PCDHA5: variants seen among roughly 807,000 people sequenced by gnomAD.
PCDHA5 encodes protocadherin alpha-5.
In PCDHA5, 43 loss-of-function variants were observed where a neutral mutation model predicts 61.6. That is an observed-to-expected ratio of 0.70 (90% CI 0.55 to 0.90). The LOEUF (loss-of-function observed/expected upper bound fraction) is 0.90, where lower values mean the gene tolerates loss of function less well. PCDHA5 is among the 40% of genes least tolerant of loss of function. The pLI, the probability that PCDHA5 is intolerant of heterozygous loss-of-function variation, is 0.00. For synonymous variants in PCDHA5, 627 were observed against 543.9 expected (o/e 1.15, Z -2.13); for missense variants, 1,298 against 1,222.7 (o/e 1.06, Z -0.92).
At chr5:140,841,271 G>A (rs1554138054) in intron 1 of PCDHA5, 2 of 1,532,504 alleles carry the variant, frequency 1.3e-6, no homozygotes, top group Admixed American at 2.1e-5. Context: ...AAGTACAGTC[G>A]TTCATCTTTA....
chr5:140,985,273 T>C (rs1554246915), intron 3 of PCDHA5, among the ~76,000 whole-genome samples: 1 of 152,178 alleles, frequency 6.6e-6, no homozygotes, highest in African/African-American at 2.4e-5. Context: ...GGACTACTTT[T>C]CTGCAATCTA....
chr5:140,824,752 G>A (rs1768348578), intron 1 of PCDHA5: 1 of 150,996 alleles, frequency 6.6e-6, no homozygotes, highest in African/African-American at 2.4e-5. Context: ...GAGCAAGAGT[G>A]CCTGGCCTAT....
At chr5:140,939,593 T>C (rs1554212802) in intron 1 of PCDHA5, among the ~76,000 whole-genome samples, 1 of 152,198 alleles carries the variant, frequency 6.6e-6, no homozygotes, top group African/African-American at 2.4e-5. Flanking sequence ...TAACATACCT[T>C]GCTCAAAAAC....
intron 1 of PCDHA5, among the ~76,000 whole-genome samples, chr5:140,943,736 A>G (rs913454195): frequency 3.3e-5 from 5 of 152,266 alleles, no homozygotes; most frequent in Non-Finnish European, 7.3e-5. Context: ...ATGAAAGTCC[A>G]CAGTCTAAAA....
intron 1 of PCDHA5, chr5:140,968,154 A>G (rs782200456): frequency 3.7e-6 from 6 of 1,614,162 alleles, no homozygotes; most frequent in South Asian, 1.1e-5. Flanking sequence ...TCTGACATCA[A>G]TGACAATCCA....
At chr5:140,888,277 C>G (rs923275306) in intron 1 of PCDHA5, among the ~76,000 whole-genome samples, 1 of 151,972 alleles carries the variant, frequency 6.6e-6, no homozygotes, top group Non-Finnish European at 1.5e-5. Context: ...ACAGTTTTGT[C>G]CCCTCTACCC....
chr5:141,005,701 CA>C (rs59860837), intron 3 of PCDHA5, among the ~76,000 whole-genome samples: 201 of 7,776 alleles, frequency 0.026, no homozygotes, highest in African/African-American at 0.052. Flanking sequence ...AACTCCGTCT[CA>C]AAAAAAAAAA....
intron 1 of PCDHA5, among the ~76,000 whole-genome samples, chr5:140,839,735 C>G (rs2093051778): frequency 6.6e-6 from 1 of 151,912 alleles, no homozygotes; most frequent in Admixed American, 6.6e-5. Context: ...ACAGAAAATA[C>G]CCTTATTTGC....
At chr5:140,919,823 T>C (rs1554199267) in intron 1 of PCDHA5, among the ~76,000 whole-genome samples, 1 of 152,222 alleles carries the variant, frequency 6.6e-6, no homozygotes, top group Non-Finnish European at 1.5e-5. Flanking sequence ...AAAATATATG[T>C]CCACATAGTA....
At chr5:140,966,709 G>A (rs1447935100) in intron 1 of PCDHA5, 4 of 1,387,174 alleles carry the variant, frequency 2.9e-6, no homozygotes, top group Non-Finnish European at 2.8e-6. Flanking sequence ...CGTGGGGCAC[G>A]GCTGGGGAAG....
intron 1 of PCDHA5, chr5:140,966,778 G>A: frequency 6.6e-7 from 1 of 1,512,496 alleles, no homozygotes; most frequent in Non-Finnish European, 8.8e-7. Flanking sequence ...TGGAGCAGGC[G>A]GGCACCAGAC....
At chr5:140,894,236 T>C (rs1205163436) in intron 1 of PCDHA5, among the ~76,000 whole-genome samples, 7 of 152,250 alleles carry the variant, frequency 4.6e-5, no homozygotes, top group South Asian at 2.1e-4. Context: ...TGAATGACAA[T>C]GTAATTTTCT....
At position 140,980,991 on chromosome 5, in the gene PCDHA5, C is replaced by G. The variant is rs888673669; in HGVS notation, c.2412-1484C>G. Among the ~76,000 whole-genome samples the G allele has an allele frequency of 1.2e-4, 18 of 151,972 alleles. 1 individual carries two copies. Among genetic ancestry groups the G allele is most frequent in the Non-Finnish European group, 8.8e-5 (6 of 68,014 alleles). ...AATCTGACTGAGCCCACACAATTTG[C>G]TAGTAGGATCCAGGAACACTTGAAG... On this transcript the variant is annotated intron_variant, in intron 2 of 3. Transcript: ENST00000529859.
At chr5:140,843,512 G>C (rs2150361484) in intron 1 of PCDHA5, 9 of 1,595,848 alleles carry the variant, frequency 5.6e-6, no homozygotes, top group Non-Finnish European at 7.7e-6. Flanking sequence ...CACTGAGGGC[G>C]GGTGCCGGGC....
intron 1 of PCDHA5, chr5:140,829,899 A>G: frequency 5.0e-6 from 8 of 1,614,020 alleles, no homozygotes; most frequent in Non-Finnish European, 6.8e-6. Context: ...GACTCAGGCT[A>G]CAACGCGTGG....
intron 1 of PCDHA5, among the ~76,000 whole-genome samples, chr5:140,844,879 A>T (rs1779591756): frequency 6.7e-6 from 1 of 149,298 alleles, no homozygotes; most frequent in Non-Finnish European, 1.5e-5. Flanking sequence ...TACCCATTAG[A>T]CTTCGTGCAT....
Position 140,893,829 on chromosome 5 carries a change from A to G in PCDHA5, c.2352+69702A>G, listed in dbSNP as rs528174798. On this transcript the variant is annotated intron_variant, in intron 1 of 3. Transcript: ENST00000529859. ...TTGAGTCTGGTACCGTAGACTACTC[A>G]GCCATCCTGATGCCCTACCTCTTGT... Among the ~76,000 whole-genome samples the G allele has an allele frequency of 2.0e-5, 3 of 152,296 alleles. No homozygotes were observed. The South Asian group carries it at 6.2e-4, about 32-fold the overall frequency.
chr5:140,834,270 C>T (rs2150214747), intron 1 of PCDHA5: 4 of 1,049,694 alleles, frequency 3.8e-6, no homozygotes, highest in Non-Finnish European at 5.6e-6. Flanking sequence ...CTCTCTTTCA[C>T]TCTTTGGATG....
In PCDHA5 at chr5:140,888,521, C is replaced by T. The variant is rs191011552; in HGVS notation, c.2352+64394C>T. ...TAAAGAGTCTTGGACTTAGTTCTGACGTGAAGTTAAGTTGCTCAGTACCAA... is the reference window on the plus strand; with the variant it reads ...TAAAGAGTCTTGGACTTAGTTCTGATGTGAAGTTAAGTTGCTCAGTACCAA... On this transcript the variant is annotated intron_variant, in intron 1 of 3. Transcript: ENST00000529859. Among the ~76,000 whole-genome samples, 432 of 152,260 alleles carry T rather than the reference C, an allele frequency of 2.8e-3. 2 individuals carry two copies. The highest frequency in any genetic ancestry group is 0.014 in the Middle Eastern group (4 of 292).
Sources: gnomAD v4.1 joint callset for allele counts (sites outside exome capture counted in the v4.1 genomes callset) on GRCh38, gnomAD v4.1.1 for gene constraint, MANE v1.5 for transcripts, NCBI Gene and HGNC (gene_info 2026-07-23, HGNC 2026-07-21) for gene names.